Variants in SETBP1 observed in about 807,000 individuals in gnomAD.
SETBP1 encodes SET-binding protein.
Under a neutral mutation model 101.0 loss-of-function variants are expected in SETBP1, and 9 were observed. The observed-to-expected ratio is 0.09, with a 90% confidence interval of 0.05 to 0.16. The LOEUF (loss-of-function observed/expected upper bound fraction) is 0.16, where lower values mean the gene tolerates loss of function less well. SETBP1 is among the 10% of genes least tolerant of loss of function. SETBP1 has a pLI of 1.00. For synonymous variants in SETBP1, 818 were observed against 788.5 expected (o/e 1.04, Z -0.63); for missense variants, 1,858 against 2,033.8 (o/e 0.91, Z 1.66).
intron 2 of SETBP1, among the ~76,000 whole-genome samples, chr18:44,801,403 G>C (rs534844783): frequency 1.2e-4 from 19 of 152,284 alleles, no homozygotes; most frequent in African/African-American, 4.6e-4. Context: ...ATTAGACAGA[G>C]AATGAGACAG....
intron 2 of SETBP1, among the ~76,000 whole-genome samples, chr18:44,709,434 G>A (rs2069292601): frequency 6.6e-6 from 1 of 152,196 alleles, no homozygotes; most frequent in African/African-American, 2.4e-5. Flanking sequence ...TGGTCTCTCT[G>A]CCTCTGGACA....
intron 4 of SETBP1, among the ~76,000 whole-genome samples, chr18:45,028,854 G>A (rs530288475): frequency 0.052 from 7,899 of 152,042 alleles, 706 homozygotes; most frequent in African/African-American, 0.18. Flanking sequence ...TTTTTGATTG[G>A]GTTGTTTGTT....
intron 4 of SETBP1, among the ~76,000 whole-genome samples, chr18:45,023,402 G>A (rs2073106485): frequency 1.3e-5 from 2 of 152,070 alleles, no homozygotes; most frequent in African/African-American, 4.8e-5. Context: ...TGGATATTCG[G>A]CTACCCAAAG....
intron 3 of SETBP1, chr18:44,876,604 G>A (rs996999454): frequency 5.2e-6 from 8 of 1,551,298 alleles, no homozygotes; most frequent in Non-Finnish European, 6.1e-6. Flanking sequence ...GAAGAGAAGA[G>A]GAGGCCAAGG....
At chr18:44,776,933 A>G (rs995805651) in intron 2 of SETBP1, among the ~76,000 whole-genome samples, 4 of 152,212 alleles carry the variant, frequency 2.6e-5, no homozygotes, top group Non-Finnish European at 1.5e-5. Context: ...TAGGGAGAAG[A>G]GTTTTCCCTT....
At chr18:44,875,120 G>A (rs7230494) in intron 3 of SETBP1, among the ~76,000 whole-genome samples, 1,539 of 152,300 alleles carry the variant, frequency 0.01, 25 homozygotes, top group African/African-American at 0.035. Flanking sequence ...TTACCAGGTT[G>A]CTTGTTCTTC....
chr18:44,789,650 T>C (rs1021540097), intron 2 of SETBP1, among the ~76,000 whole-genome samples: 1 of 152,244 alleles, frequency 6.6e-6, no homozygotes, highest in Admixed American at 6.5e-5. Flanking sequence ...TCTGCTTCTC[T>C]TCTTAAAAAA....
intron 2 of SETBP1, among the ~76,000 whole-genome samples, chr18:44,800,289 G>A (rs889311191): frequency 1.2e-4 from 19 of 152,130 alleles, no homozygotes; most frequent in Non-Finnish European, 2.9e-5. Flanking sequence ...TTTGATGTTT[G>A]GGGTAAGTGA....
intron 4 of SETBP1, among the ~76,000 whole-genome samples, chr18:45,007,046 C>T (rs1399399735): frequency 6.6e-6 from 1 of 152,162 alleles, no homozygotes. Context: ...AAATATGCCC[C>T]ACTTCCCCCA....
intron 2 of SETBP1, among the ~76,000 whole-genome samples, chr18:44,763,035 A>G (rs1422547089): frequency 6.6e-6 from 1 of 152,246 alleles, no homozygotes; most frequent in African/African-American, 2.4e-5. Flanking sequence ...AATAAGTGCT[A>G]TATGAGCAGC....
At chr18:44,946,638 T>C (rs1302139943) in intron 3 of SETBP1, among the ~76,000 whole-genome samples, 1 of 152,220 alleles carries the variant, frequency 6.6e-6, no homozygotes, top group Admixed American at 6.5e-5. Context: ...TGTATTGTCT[T>C]TTGTGTGCAG....
intron 4 of SETBP1, among the ~76,000 whole-genome samples, chr18:44,954,502 A>G (rs1374899077): frequency 6.6e-6 from 1 of 152,020 alleles, no homozygotes; most frequent in African/African-American, 2.4e-5. Context: ...CTCCCTTCCC[A>G]GGGAGCCCAT....
chr18:44,773,248 GCA>G (rs1383110672), intron 2 of SETBP1, among the ~76,000 whole-genome samples: 2 of 152,212 alleles, frequency 1.3e-5, no homozygotes, highest in African/African-American at 4.8e-5. Flanking sequence ...TAGTGGGCAT[GCA>G]CAGTTTTTCT....
chr18:44,896,832 C>T (rs1204166295), intron 3 of SETBP1, among the ~76,000 whole-genome samples: 2 of 152,044 alleles, frequency 1.3e-5, no homozygotes, highest in Non-Finnish European at 2.9e-5. Context: ...CTTTGATAAC[C>T]ACCATTATTT....
chr18:44,966,325 A>G (rs1192722269), intron 4 of SETBP1, among the ~76,000 whole-genome samples: 1 of 152,118 alleles, frequency 6.6e-6, no homozygotes, highest in Non-Finnish European at 1.5e-5. Context: ...AAAATGTCAT[A>G]GTGAGCCCCT....
chr18:44,761,872 A>G (rs2070656844), intron 2 of SETBP1, among the ~76,000 whole-genome samples: 1 of 152,134 alleles, frequency 6.6e-6, no homozygotes, highest in Non-Finnish European at 1.5e-5. Context: ...TGCCTTGTTT[A>G]TAGGTTTTTT....
At chr18:44,847,391 G>T (rs1740715899) in intron 2 of SETBP1, among the ~76,000 whole-genome samples, 1 of 152,170 alleles carries the variant, frequency 6.6e-6, no homozygotes, top group Non-Finnish European at 1.5e-5. Context: ...TGCCTTCTGG[G>T]ATGAGTGAAG....
chr18:44,690,058 A>C (rs73952911), intron 1 of SETBP1, among the ~76,000 whole-genome samples: 3,237 of 152,282 alleles, frequency 0.021, 106 homozygotes, highest in African/African-American at 0.074. Context: ...GCTCTTCAGC[A>C]TGGGGTTCAA....
chr18:44,941,109 G>T (rs2071080840), intron 3 of SETBP1, among the ~76,000 whole-genome samples: 3 of 118,192 alleles, frequency 2.5e-5, no homozygotes, highest in South Asian at 5.6e-4. Flanking sequence ...TTGAGATGGA[G>T]TCATACTTTG....
Sources: allele counts gnomAD v4.1 joint callset (sites outside exome capture counted in the v4.1 genomes callset), GRCh38; gene constraint gnomAD v4.1.1; transcripts MANE v1.5; gene names NCBI Gene and HGNC (gene_info 2026-07-23, HGNC 2026-07-21).